The following AGBL1 variants were observed in gnomAD, a reference collection of about 807,000 sequenced individuals.
AGBL1 encodes the protein AGBL carboxypeptidase 1.
AGBL1 carries 130 observed loss-of-function variants against 118.9 expected under a neutral mutation model. The observed-to-expected ratio is 1.09, with a 90% CI of 0.95 to 1.26. The LOEUF (loss-of-function observed/expected upper bound fraction) is 1.26. Among genes scored for constraint, AGBL1 ranks in the 50% most tolerant of loss-of-function variants. The pLI is 0.00. For synonymous variants in AGBL1, 555 were observed against 478.9 expected, an observed-to-expected ratio of 1.16 and a Z score of -2.08; for missense variants, 1,584 against 1,298.1, an observed-to-expected ratio of 1.22 and a Z score of -3.38.
intron 19 of AGBL1, among the ~76,000 whole-genome samples, chr15:86,539,317 C>G (rs891273955): frequency 1.3e-5 from 2 of 152,178 alleles, no homozygotes; most frequent in African/African-American, 4.8e-5. Flanking sequence ...CCTTTCTTAG[C>G]CTCTAAATCC....
intron 22 of AGBL1, among the ~76,000 whole-genome samples, chr15:86,818,618 C>G (rs1370624382): frequency 6.6e-6 from 1 of 151,998 alleles, no homozygotes; most frequent in Admixed American, 6.5e-5. Flanking sequence ...GAGCATATCA[C>G]CTAGATGGAT....
At chr15:86,130,358 C>T (rs1194788536) in intron 1 of AGBL1, among the ~76,000 whole-genome samples, 1 of 152,012 alleles carries the variant, frequency 6.6e-6, no homozygotes, top group Non-Finnish European at 1.5e-5. Context: ...GCATGAAGAT[C>T]TCCTATTGAC....
chr15:86,629,600 T>C (rs1300293572), intron 21 of AGBL1, among the ~76,000 whole-genome samples: 2 of 152,250 alleles, frequency 1.3e-5, no homozygotes, highest in African/African-American at 4.8e-5. Context: ...GAGATGAGGT[T>C]GCAGCTAGAT....
rs191230302 is a variant in AGBL1 at position 87,015,721 on chromosome 15, T to G, written c.3324-13104T>G. 9.2e-5 allele frequency among the ~76,000 whole-genome samples: 14 copies of G among 152,308 alleles called. No individual in the cohort carries two copies. In the East Asian group the frequency reaches 2.5e-3, roughly 27 times the overall value. On this transcript the variant is annotated intron_variant, in intron 24 of 24. Transcript: ENST00000441037. ...TAGCCAATTATAGTAATTTCATCCT[T>G]CATTCCCCCACCCCACACCCCTGCT...
intron 1 of AGBL1, among the ~76,000 whole-genome samples, chr15:86,112,010 G>T (rs1392223119): frequency 6.6e-6 from 1 of 152,176 alleles, no homozygotes; most frequent in Non-Finnish European, 1.5e-5. Flanking sequence ...AATGCCTGAT[G>T]ATCTGTCACT....
rs531965381 is a variant in AGBL1 at position 86,308,800 on chromosome 15, A to G, written c.2374+13392A>G. ...TCTGTAAGTTCGTTTTTATGATAGT[A>G]CCATGTGGAGTTGGTTACTACAGCT... On this transcript the variant is annotated intron_variant, in intron 17 of 22. Transcript: ENST00000614907. Among the ~76,000 whole-genome samples the G allele has an allele frequency of 6.6e-5, 10 of 152,304 alleles. No homozygotes were observed. The South Asian group carries it at 1.9e-3, about 28-fold the overall frequency.
intron 24 of AGBL1, chr15:86,988,205 A>C: frequency 7.9e-7 from 1 of 1,272,300 alleles, no homozygotes; most frequent in Non-Finnish European, 1.1e-6. Flanking sequence ...TGGGCCAACA[A>C]CAAAAAAACA....
intron 5 of AGBL1, among the ~76,000 whole-genome samples, chr15:86,199,052 G>C (rs1043504115): frequency 6.6e-6 from 1 of 152,008 alleles, no homozygotes; most frequent in Non-Finnish European, 1.5e-5. Flanking sequence ...CCAAATGCAC[G>C]CATATGTTTG....
At chr15:86,752,831 T>C (rs1481585135) in intron 22 of AGBL1, among the ~76,000 whole-genome samples, 3 of 152,128 alleles carry the variant, frequency 2.0e-5, no homozygotes, top group Non-Finnish European at 4.4e-5. Context: ...GCTATTTATT[T>C]AGTAAATGCA....
intron 22 of AGBL1, among the ~76,000 whole-genome samples, chr15:86,777,273 T>C (rs1470032680): frequency 6.6e-6 from 1 of 152,120 alleles, no homozygotes. Flanking sequence ...GGTTAAAATA[T>C]TGACATTTCG....
intron 3 of AGBL1, among the ~76,000 whole-genome samples, chr15:86,146,983 C>T (rs553683167): frequency 3.3e-5 from 5 of 152,094 alleles, no homozygotes; most frequent in Admixed American, 3.3e-4. Context: ...TTAGACATCA[C>T]CCATTGACAG....
intron 17 of AGBL1, among the ~76,000 whole-genome samples, chr15:86,391,893 C>G (rs2081293429): frequency 6.6e-6 from 1 of 152,006 alleles, no homozygotes; most frequent in African/African-American, 2.4e-5. Context: ...TACTACCTTT[C>G]TTTTTTCTTT....
chr15:86,145,820 G>A (rs986851690), intron 3 of AGBL1, among the ~76,000 whole-genome samples: 3 of 152,232 alleles, frequency 2.0e-5, no homozygotes, highest in Non-Finnish European at 4.4e-5. Context: ...TTATGTTCAA[G>A]TGGAGAAGGC....
chr15:86,791,145 C>T (rs2078487924), intron 22 of AGBL1, among the ~76,000 whole-genome samples: 1 of 152,308 alleles, frequency 6.6e-6, no homozygotes, highest in African/African-American at 2.4e-5. Flanking sequence ...TGATTTGCCA[C>T]AGTGGATGAA....
intron 23 of AGBL1, among the ~76,000 whole-genome samples, chr15:86,940,318 T>C (rs2080734669): frequency 6.6e-6 from 1 of 152,036 alleles, no homozygotes; most frequent in African/African-American, 2.4e-5. Context: ...ATAATAATAA[T>C]ATAGACCTCA....
At chr15:86,465,142 C>G (rs1424745743) in intron 18 of AGBL1, among the ~76,000 whole-genome samples, 3 of 152,126 alleles carry the variant, frequency 2.0e-5, no homozygotes, top group Non-Finnish European at 4.4e-5. Context: ...ATTTCATGGA[C>G]ATTTGTTAGT....
chr15:86,880,587 G>A (rs558550512), intron 22 of AGBL1, among the ~76,000 whole-genome samples: 1 of 152,270 alleles, frequency 6.6e-6, no homozygotes, highest in Admixed American at 6.5e-5. Flanking sequence ...TGTGTATGTG[G>A]CAGTGACTAT....
intron 21 of AGBL1, among the ~76,000 whole-genome samples, chr15:86,562,221 A>C (rs907809256): frequency 2.0e-5 from 3 of 152,162 alleles, no homozygotes; most frequent in Admixed American, 1.3e-4. Flanking sequence ...GTCTTGTGCC[A>C]GTTTTCAAAG....
At chr15:86,886,303 A>C (rs896370351) in intron 22 of AGBL1, among the ~76,000 whole-genome samples, 3 of 152,236 alleles carry the variant, frequency 2.0e-5, no homozygotes, top group Non-Finnish European at 2.9e-5. Context: ...AGTTATAGCA[A>C]GTTATTTTGG....
Sources: allele counts gnomAD v4.1 joint callset (sites outside exome capture counted in the v4.1 genomes callset), GRCh38; gene constraint gnomAD v4.1.1; transcripts MANE v1.5; gene names NCBI Gene and HGNC (gene_info 2026-07-23, HGNC 2026-07-21).